The following CNTN5 variants were observed in gnomAD, a reference collection of about 807,000 sequenced individuals.
The protein encoded by CNTN5 is contactin-5.
In CNTN5, 77 loss-of-function variants were observed where a neutral mutation model predicts 129.1. The observed-to-expected ratio is 0.60, with a 90% CI of 0.50 to 0.72. The LOEUF is 0.72. CNTN5 is among the 30% of genes least tolerant of loss of function. CNTN5 has a pLI of 0.00. For synonymous variants in CNTN5, 509 were observed against 465.6 expected, an observed-to-expected ratio of 1.09 and a Z score of -1.20; for missense variants, 1,478 against 1,328.8, an observed-to-expected ratio of 1.11 and a Z score of -1.75.
intron 3 of CNTN5, among the ~76,000 whole-genome samples, chr11:99,569,239 A>G (rs1949101108): frequency 6.6e-6 from 1 of 152,192 alleles, no homozygotes; most frequent in Non-Finnish European, 1.5e-5. Flanking sequence ...GCTGTTTCAT[A>G]TACAGGACCT....
intron 4 of CNTN5, among the ~76,000 whole-genome samples, chr11:99,834,057 A>G (rs1384213816): frequency 6.6e-6 from 1 of 152,194 alleles, no homozygotes; most frequent in African/African-American, 2.4e-5. Context: ...AAATAATCTG[A>G]CTGGATATTT....
intron 7 of CNTN5, among the ~76,000 whole-genome samples, chr11:99,950,271 G>A (rs1370260970): frequency 6.6e-6 from 1 of 152,138 alleles, no homozygotes; most frequent in African/African-American, 2.4e-5. Context: ...GAGGTCAGGA[G>A]ATCGAGACCA....
rs570950074 is a variant in CNTN5 at position 99,037,580 on chromosome 11, T to C, written c.-210+16310T>C. On this transcript the variant is annotated intron_variant, in intron 1 of 24. Coordinates refer to ENST00000524871, the MANE Select transcript of CNTN5 (RefSeq NM_014361.4). ...TTTTTCCTTCTTTTTTCTTTTCTTT[T>C]TTTTTTTTTTTTTTTTTTAACATGG... Among the ~76,000 whole-genome samples, 44 of 121,668 alleles carry C rather than the reference T, an allele frequency of 3.6e-4. No individual in the cohort carries two copies. The East Asian group carries it at 3.9e-3, about 11-fold the overall frequency. The allele number at this position is 121,668 out of a possible 152,430, so 79.8% of individuals were successfully genotyped here.
chr11:99,994,998 A>G (rs1458709433), intron 8 of CNTN5, among the ~76,000 whole-genome samples: 2 of 152,210 alleles, frequency 1.3e-5, no homozygotes, highest in Non-Finnish European at 2.9e-5. Context: ...AGCAAACATT[A>G]TTGATAAAGA....
chr11:100,013,893 G>A (rs757953131), intron 9 of CNTN5, among the ~76,000 whole-genome samples: 1 of 152,002 alleles, frequency 6.6e-6, no homozygotes, highest in South Asian at 2.1e-4. Flanking sequence ...ATCTATCATA[G>A]TACATGTATT....
At chr11:100,159,666 T>C (rs1285616955) in intron 13 of CNTN5, among the ~76,000 whole-genome samples, 1 of 151,876 alleles carries the variant, frequency 6.6e-6, no homozygotes, top group African/African-American at 2.4e-5. Flanking sequence ...CACCAACATG[T>C]TAGAAATTTA....
At chr11:99,327,917 A>T (rs1259473956) in intron 2 of CNTN5, among the ~76,000 whole-genome samples, 1 of 152,156 alleles carries the variant, frequency 6.6e-6, no homozygotes, top group Admixed American at 6.6e-5. Flanking sequence ...CTCCAAGTGG[A>T]AGAGCTTTAT....
intron 3 of CNTN5, among the ~76,000 whole-genome samples, chr11:99,570,594 A>C (rs1035361382): frequency 5.9e-5 from 9 of 152,220 alleles, no homozygotes; most frequent in Admixed American, 4.6e-4. Flanking sequence ...TTAATTTACC[A>C]AGTATTTATT....
chr11:99,691,141 TCTC>T (rs1954023763), intron 3 of CNTN5, among the ~76,000 whole-genome samples: 1 of 152,004 alleles, frequency 6.6e-6, no homozygotes, highest in Non-Finnish European at 1.5e-5. Flanking sequence ...ATATGAATCT[TCTC>T]TTCTTCTTTA....
At chr11:99,813,557 T>C (rs946001925) in intron 3 of CNTN5, among the ~76,000 whole-genome samples, 1 of 152,068 alleles carries the variant, frequency 6.6e-6, no homozygotes, top group Admixed American at 6.6e-5. Flanking sequence ...TATTGGAATA[T>C]CAAAGACAGA....
intron 1 of CNTN5, among the ~76,000 whole-genome samples, chr11:99,042,771 A>C (rs2135144274): frequency 6.7e-6 from 1 of 148,716 alleles, no homozygotes; most frequent in Non-Finnish European, 1.5e-5. Flanking sequence ...ATAAATACTT[A>C]TTGAATGAAT....
At chr11:99,110,768 C>T (rs1005836387) in intron 1 of CNTN5, among the ~76,000 whole-genome samples, 1 of 152,006 alleles carries the variant, frequency 6.6e-6, no homozygotes, top group African/African-American at 2.4e-5. Context: ...TCTCTATGTT[C>T]CACATCTTAT....
At chr11:99,761,253 T>G (rs1264483890) in intron 3 of CNTN5, among the ~76,000 whole-genome samples, 1 of 152,074 alleles carries the variant, frequency 6.6e-6, no homozygotes, top group Non-Finnish European at 1.5e-5. Flanking sequence ...GTATTAGTTT[T>G]TTTTTAAGTG....
At chr11:99,730,276 T>C (rs959482261) in intron 3 of CNTN5, among the ~76,000 whole-genome samples, 1 of 152,204 alleles carries the variant, frequency 6.6e-6, no homozygotes, top group Admixed American at 6.5e-5. Flanking sequence ...CTGGATTCTC[T>C]AGAAGAAAGG....
At chr11:99,518,818 A>T (rs1947159522) in intron 2 of CNTN5, among the ~76,000 whole-genome samples, 1 of 152,020 alleles carries the variant, frequency 6.6e-6, no homozygotes, top group East Asian at 1.9e-4. Flanking sequence ...TAAAACTTTT[A>T]CATTGTCTAC....
At chr11:99,631,832 G>A (rs1362348871) in intron 3 of CNTN5, among the ~76,000 whole-genome samples, 1 of 152,036 alleles carries the variant, frequency 6.6e-6, no homozygotes, top group Non-Finnish European at 1.5e-5. Context: ...TGTGGTTGTA[G>A]TTACCTGTGG....
chr11:99,946,471 AT>A (rs1189218516), intron 7 of CNTN5, among the ~76,000 whole-genome samples: 13 of 151,816 alleles, frequency 8.6e-5, no homozygotes, highest in Non-Finnish European at 1.6e-4. Context: ...TAGATTTTAA[AT>A]AGTCAATCTC....
intron 6 of CNTN5, among the ~76,000 whole-genome samples, chr11:99,885,205 C>T (rs1158879321): frequency 6.6e-6 from 1 of 151,978 alleles, no homozygotes. Flanking sequence ...CCGTTTGAGC[C>T]AGGGAGGTCG....
At chr11:99,997,200 A>C (rs2137444970) in intron 8 of CNTN5, among the ~76,000 whole-genome samples, 1 of 152,174 alleles carries the variant, frequency 6.6e-6, no homozygotes, top group African/African-American at 2.4e-5. Flanking sequence ...TCCTGGATTC[A>C]TTAACTTTTT....
Sources: gnomAD v4.1 joint callset for allele counts (sites outside exome capture counted in the v4.1 genomes callset) on GRCh38, gnomAD v4.1.1 for gene constraint, MANE v1.5 for transcripts, NCBI Gene and HGNC (gene_info 2026-07-23, HGNC 2026-07-21) for gene names.